Variants in TBC1D32 observed in about 807,000 individuals in gnomAD.
TBC1D32 encodes protein broad-minded.
TBC1D32 carries 151 observed loss-of-function variants against 170.3 expected under a neutral mutation model. That is an observed-to-expected ratio of 0.89 (90% CI 0.78 to 1.01). TBC1D32 has a LOEUF of 1.01. Ranked by LOEUF, TBC1D32 falls within the 50% of genes least tolerant of loss-of-function variation. The pLI is 0.00. For missense variants in TBC1D32, 1,464 were observed against 1,457.1 expected, an observed-to-expected ratio of 1.00 and a Z score of -0.08; for synonymous variants, 498 against 488.0, an observed-to-expected ratio of 1.02 and a Z score of -0.27.
chr6:121,205,132 G>C lies in TBC1D32; in HGVS notation c.2513C>G (p.Ser838Cys), dbSNP rs771614305. ...DIIDRLIILN[S>C]EAKIRSLFNY... Reference sequence around the variant, plus strand: ...GAATAAAGAACGAATCTTAGCTTCAGAATTCAAAATTATAAGTCTATCAAT... The same window carrying C: ...GAATAAAGAACGAATCTTAGCTTCACAATTCAAAATTATAAGTCTATCAAT... Residue 838 changes from serine (S) to cysteine (C), a missense_variant, in exon 22 of 32, where the codon TCT (serine) becomes TGT (cysteine). By Grantham distance (112) the Ser-to-Cys change is moderately radical. Transcript: ENST00000398212. 1.3e-6 allele frequency: 2 copies of C among 1,529,208 alleles called. No individual in the cohort carries two copies. Among genetic ancestry groups the C allele is most frequent in the South Asian group, 2.4e-5 (2 of 81,974 alleles). 94.7% of individuals were successfully genotyped at this position (1,529,208 alleles called of 1,614,324 possible).
intron 22 of TBC1D32, among the ~76,000 whole-genome samples, chr6:121,200,011 T>A (rs986916329): frequency 6.6e-6 from 1 of 151,524 alleles, no homozygotes; most frequent in East Asian, 1.9e-4. Context: ...GTACTATATA[T>A]AAAACTTACT....
chr6:121,119,700 G>T (rs1177451774), intron 26 of TBC1D32, among the ~76,000 whole-genome samples: 1 of 152,062 alleles, frequency 6.6e-6, no homozygotes, highest in Non-Finnish European at 1.5e-5. Context: ...TTTACAAACT[G>T]CAAATGTGCA....
chr6:121,148,644 C>T (rs1250591225), intron 24 of TBC1D32, among the ~76,000 whole-genome samples: 2 of 151,872 alleles, frequency 1.3e-5, no homozygotes, highest in Non-Finnish European at 2.9e-5. Flanking sequence ...GATGGAGTCT[C>T]GCTCTGTCAC....
intron 15 of TBC1D32, among the ~76,000 whole-genome samples, chr6:121,262,912 G>A (rs1449079128): frequency 6.6e-6 from 1 of 152,118 alleles, no homozygotes; most frequent in African/African-American, 2.4e-5. Context: ...TGCCTTGCAA[G>A]AGTTCCTGAA....
intron 15 of TBC1D32, among the ~76,000 whole-genome samples, chr6:121,261,771 G>A (rs548301919): frequency 5.3e-5 from 8 of 152,256 alleles, no homozygotes; most frequent in Admixed American, 2.0e-4. Context: ...AGAACTGGAC[G>A]GAGGATGAGA....
intron 26 of TBC1D32, among the ~76,000 whole-genome samples, chr6:121,124,563 T>C (rs752258383): frequency 5.9e-5 from 9 of 152,134 alleles, no homozygotes; most frequent in Non-Finnish European, 1.2e-4. Flanking sequence ...TCTAGTCATC[T>C]GTACATTTTT....
chr6:121,185,736 T>C (rs1789122328), intron 22 of TBC1D32, among the ~76,000 whole-genome samples: 1 of 152,084 alleles, frequency 6.6e-6, no homozygotes, highest in African/African-American at 2.4e-5. Flanking sequence ...TACTATGGAC[T>C]TTCTAGGGGT....
intron 22 of TBC1D32, among the ~76,000 whole-genome samples, chr6:121,180,442 C>A (rs77884012): frequency 0.024 from 3,667 of 152,216 alleles, 163 homozygotes; most frequent in East Asian, 0.12. Flanking sequence ...AGAAATAAAT[C>A]TACACACTTA....
At chr6:121,084,858 T>G (rs762212912) in intron 31 of TBC1D32, among the ~76,000 whole-genome samples, 12 of 152,108 alleles carry the variant, frequency 7.9e-5, no homozygotes, top group Non-Finnish European at 1.2e-4. Flanking sequence ...AGATATTCTC[T>G]GATATATTCT....
chr6:121,241,080 A>G (rs1306063957), intron 19 of TBC1D32, among the ~76,000 whole-genome samples: 1 of 152,152 alleles, frequency 6.6e-6, no homozygotes, highest in Non-Finnish European at 1.5e-5. Context: ...ATTTTGAAGC[A>G]TATGTAAGCC....
intron 22 of TBC1D32, among the ~76,000 whole-genome samples, chr6:121,172,864 G>C (rs975809247): frequency 8.5e-5 from 13 of 152,052 alleles, no homozygotes; most frequent in African/African-American, 3.1e-4. Context: ...GTGTGTTTCC[G>C]GTTGTATAAA....
intron 12 of TBC1D32, among the ~76,000 whole-genome samples, chr6:121,285,416 G>A (rs1288751311): frequency 5.3e-5 from 8 of 152,074 alleles, no homozygotes; most frequent in African/African-American, 1.9e-4. Context: ...TCATCTACCA[G>A]GAAAATTCAT....
At chr6:121,290,609 T>A (rs1250725198) in intron 12 of TBC1D32, among the ~76,000 whole-genome samples, 3 of 152,108 alleles carry the variant, frequency 2.0e-5, no homozygotes, top group African/African-American at 4.8e-5. Flanking sequence ...TCAGGGATCG[T>A]GAACTAGAAA....
At chr6:121,202,290 A>AAAAAAG (rs1791680249) in intron 22 of TBC1D32, among the ~76,000 whole-genome samples, 2 of 150,314 alleles carry the variant, frequency 1.3e-5, no homozygotes, top group Non-Finnish European at 3.0e-5. Flanking sequence ...AAAAAAAAAA[A>AAAAAAG]AAAGAAAGAA....
At chr6:121,218,598 A>G (rs1219428722) in intron 21 of TBC1D32, among the ~76,000 whole-genome samples, 2 of 152,204 alleles carry the variant, frequency 1.3e-5, no homozygotes, top group South Asian at 2.1e-4. Context: ...TAAAGCAGGC[A>G]GAAAAATGTG....
intron 2 of TBC1D32, among the ~76,000 whole-genome samples, chr6:121,320,044 A>T (rs1809483554): frequency 6.6e-6 from 1 of 152,052 alleles, no homozygotes; most frequent in Admixed American, 6.6e-5. Flanking sequence ...GGAATAGTGT[A>T]TATTATATAG....
chr6:121,084,985 C>A (rs1286673396), intron 31 of TBC1D32, among the ~76,000 whole-genome samples: 1 of 151,666 alleles, frequency 6.6e-6, no homozygotes, highest in Non-Finnish European at 1.5e-5. Flanking sequence ...GTGGGTTAAA[C>A]TGGAAGAGTT....
chr6:121,256,158 A>T lies in TBC1D32; in HGVS notation c.1861T>A (p.Tyr621Asn), dbSNP rs1798981936. The T allele has an allele frequency of 6.2e-7, 1 of 1,613,936 alleles. No homozygotes were observed. The highest frequency in any genetic ancestry group is 1.3e-5 in the African/African-American group (1 of 74,934). The change falls in exon 16 of 32, where the codon TAT (tyrosine) becomes AAT (asparagine). Residue 621 changes from tyrosine to asparagine, a missense_variant. By Grantham distance (143) the Tyr-to-Asn change is moderately radical (BLOSUM62 -2). Coordinates refer to ENST00000398212, the MANE Select transcript of TBC1D32 (RefSeq NM_152730.6). ...GAFISVCRHI[Y>N]STCEGLQVLI... ...ACCTGCAAACCTTCACATGTACTAT[A>T]TATGTGACGACACACAGAAATAAAA... is the stretch of plus-strand genomic sequence containing the variant.
chr6:121,141,388 T>A (rs1296229132), intron 24 of TBC1D32, among the ~76,000 whole-genome samples: 1 of 152,114 alleles, frequency 6.6e-6, no homozygotes, highest in African/African-American at 2.4e-5. Context: ...AGGAGTGAAG[T>A]TTGCAAAGCA....
Sources: allele counts gnomAD v4.1 joint callset (sites outside exome capture counted in the v4.1 genomes callset), GRCh38; gene constraint gnomAD v4.1.1; transcripts MANE v1.5; gene names NCBI Gene and HGNC (gene_info 2026-07-23, HGNC 2026-07-21).